PCDHA4: variants seen among roughly 807,000 people sequenced by gnomAD.
PCDHA4 encodes protocadherin alpha-4.
Under a neutral mutation model 61.4 loss-of-function variants are expected in PCDHA4, and 49 were observed. The ratio of observed to expected loss-of-function variants is 0.80; its 90% CI spans 0.63 to 1.01. PCDHA4 has a LOEUF of 1.01. Ranked by LOEUF, PCDHA4 falls within the 50% of genes least tolerant of loss-of-function variation. The probability of loss-of-function intolerance (pLI) is 0.00; values close to 1 mark genes in which losing one functional copy is unlikely to be tolerated. For missense variants in PCDHA4, 1,254 were observed against 1,235.8 expected, an observed-to-expected ratio of 1.01 and a Z score of -0.22; for synonymous variants, 590 against 550.3, an observed-to-expected ratio of 1.07 and a Z score of -1.01.
rs782310474 is a variant in PCDHA4 at position 140,858,120 on chromosome 5, T to C, written c.2385+48548T>C. 9 of 1,597,738 alleles carry C rather than the reference T, an allele frequency of 5.6e-6. 1 individual carries two copies. In the Admixed American group the frequency reaches 1.5e-4, roughly 27 times the overall value. ...GTGGGCGTGGCGCCCGAGGTGGCCC[T>C]GGTGGATGTCAACGTGTACCTGATC... On this transcript the variant is annotated intron_variant, in intron 1 of 3. Coordinates refer to ENST00000530339, the MANE Select transcript of PCDHA4 (RefSeq NM_018907.4).
intron 1 of PCDHA4, chr5:140,813,106 A>G (rs1554126121): frequency 1.3e-5 from 2 of 152,152 alleles, no homozygotes; most frequent in African/African-American, 4.8e-5. Context: ...AGAAGACTGT[A>G]TATTTGCTGC....
chr5:140,988,363 C>T (rs782342714), intron 3 of PCDHA4, among the ~76,000 whole-genome samples: 25 of 152,132 alleles, frequency 1.6e-4, no homozygotes, highest in Admixed American at 4.6e-4. Context: ...CTTTTACTTT[C>T]TGGGGTTGTG....
intron 1 of PCDHA4, chr5:140,862,516 G>T: frequency 2.4e-6 from 1 of 409,748 alleles, no homozygotes; most frequent in South Asian, 1.9e-5. Flanking sequence ...CGCTTTCATT[G>T]TTGGCCACAG....
chr5:140,808,158 A>G lies in PCDHA4; in HGVS notation c.971A>G (p.Asp324Gly). 6.2e-7 allele frequency: 1 copy of G among 1,614,220 alleles called. No individual in the cohort carries two copies. Among genetic ancestry groups the G allele is most frequent in the Non-Finnish European group, 8.5e-7 (1 of 1,180,032 alleles). Reference sequence around the variant, plus strand: ...TATGAAATTATTGTAGAGGGCATTGATAAGGGACAGCTCCCACTTTCTGGC... The same window carrying G: ...TATGAAATTATTGTAGAGGGCATTGGTAAGGGACAGCTCCCACTTTCTGGC... The part of the protein sequence containing the change: ...KSYEIIVEGI[D>G]KGQLPLSGHC... Residue 324 changes from aspartate (D) to glycine (G), a missense_variant, in exon 1 of 4, where the codon GAT (aspartate) becomes GGT (glycine). Asp to Gly is a moderately conservative substitution (Grantham distance 94). Transcript: ENST00000530339.
At chr5:140,991,505 G>T (rs2097456335) in intron 3 of PCDHA4, among the ~76,000 whole-genome samples, 1 of 152,180 alleles carries the variant, frequency 6.6e-6, no homozygotes, top group Admixed American at 6.5e-5. Context: ...AGTTTCACTG[G>T]CTAAAATCAA....
In PCDHA4 at chr5:140,870,873, G is replaced by A. The variant is rs782065354; in HGVS notation, c.2385+61301G>A. 5 of 1,613,840 alleles carry A rather than the reference G, an allele frequency of 3.1e-6. No individual in the cohort carries two copies. The Admixed American group carries it at 5.0e-5, about 16-fold the overall frequency. On this transcript the variant is annotated intron_variant, in intron 1 of 3. Transcript: ENST00000530339. ...GGTCGGTGGGTGCGGGCCACGTGGTGGCGAAGGTGCGCGCAGTGGATGCGG... is the reference window on the plus strand; with the variant it reads ...GGTCGGTGGGTGCGGGCCACGTGGTAGCGAAGGTGCGCGCAGTGGATGCGG...
chr5:140,870,514 T>C lies in PCDHA4; in HGVS notation c.2385+60942T>C, dbSNP rs1554164347. ...CGTGAAGGAGAACAACCCACCAGGC[T>C]GCCACATCTTCACAGTGTCGGCGCG... On this transcript the variant is annotated intron_variant, in intron 1 of 3. Transcript: ENST00000530339. The C allele has an allele frequency of 3.7e-6, 6 of 1,614,224 alleles. No homozygotes were observed. In the East Asian group the frequency reaches 1.3e-4, roughly 36 times the overall value.
chr5:140,911,515 T>C (rs2075517327), intron 1 of PCDHA4, among the ~76,000 whole-genome samples: 1 of 152,226 alleles, frequency 6.6e-6, no homozygotes, highest in African/African-American at 2.4e-5. Flanking sequence ...CAGTATCTGC[T>C]TCTGAAGCTA....
At chr5:140,830,362 G>T (rs1771019100) in intron 1 of PCDHA4, 1 of 1,614,120 alleles carries the variant, frequency 6.2e-7, no homozygotes, top group Non-Finnish European at 8.5e-7. Flanking sequence ...GGCGGCAGAG[G>T]GTGTGCTCCG....
At chr5:140,840,253 T>C (rs1554137747) in intron 1 of PCDHA4, among the ~76,000 whole-genome samples, 1 of 151,988 alleles carries the variant, frequency 6.6e-6, no homozygotes, top group Non-Finnish European at 1.5e-5. Context: ...GCTATAAAAA[T>C]TGTGATTTTT....
At position 140,870,724 on chromosome 5, in the gene PCDHA4, G is replaced by T. The variant is rs140203389; in HGVS notation, c.2385+61152G>T. 8.1e-4 allele frequency: 1,312 copies of T among 1,613,160 alleles called. 10 individuals carry two copies. In the African/African-American group the frequency reaches 0.014, roughly 18 times the overall value. On this transcript the variant is annotated intron_variant, in intron 1 of 3. Coordinates refer to ENST00000530339, the MANE Select transcript of PCDHA4 (RefSeq NM_018907.4). ...CCAGGTGAGCGCGCGCGATGCGGGC[G>T]TGCCGCCTCTGAGCAGCAACGTGAC...
At chr5:140,829,334 C>T (rs1554131892) in intron 1 of PCDHA4, 1 of 1,614,112 alleles carries the variant, frequency 6.2e-7, no homozygotes, top group South Asian at 1.1e-5. Flanking sequence ...TGCCCTGGAC[C>T]GCGAGAGCGT....
intron 1 of PCDHA4, chr5:140,850,791 A>G: frequency 1.3e-6 from 2 of 1,598,378 alleles, no homozygotes; most frequent in African/African-American, 2.7e-5. Context: ...GGGTAAGCAG[A>G]AGACCGACCT....
rs780758944 is a variant in PCDHA4 at position 140,904,284 on chromosome 5, T to G, written c.2386-74665T>G. Among the ~76,000 whole-genome samples the G allele has an allele frequency of 1.3e-3, 196 of 152,216 alleles. 3 individuals carry two copies. The highest frequency in any genetic ancestry group is 1.2e-3 in the Non-Finnish European group (83 of 68,010). ...CACTTATGAATGAGAACATGTGGTG[T>G]TTGGTTTTCCATTCCTGAGTTTCTT... On this transcript the variant is annotated intron_variant, in intron 1 of 3. Transcript: ENST00000530339.
chr5:140,811,491 T>A (rs940302653), intron 1 of PCDHA4: 17 of 152,198 alleles, frequency 1.1e-4, no homozygotes, highest in African/African-American at 4.1e-4. Flanking sequence ...GTCTTTATAG[T>A]AGCATGATTT....
Position 140,876,296 on chromosome 5 carries a change from G to C in PCDHA4, c.2385+66724G>C, listed in dbSNP as rs1337465467. On this transcript the variant is annotated intron_variant, in intron 1 of 3. Coordinates refer to ENST00000530339, the MANE Select transcript of PCDHA4 (RefSeq NM_018907.4). ...TCCGATCCAGACGAAGGACTTAATGGAGAAATTTCCTATGGGATCAAAATG... is the reference window on the plus strand; with the variant it reads ...TCCGATCCAGACGAAGGACTTAATGCAGAAATTTCCTATGGGATCAAAATG... 19 of 1,613,952 alleles carry C rather than the reference G, an allele frequency of 1.2e-5. No individual in the cohort carries two copies. Among genetic ancestry groups the C allele is most frequent in the Non-Finnish European group, 1.6e-5 (19 of 1,179,904 alleles).
chr5:140,842,950 G>C, intron 1 of PCDHA4: 1 of 1,594,728 alleles, frequency 6.3e-7, no homozygotes, highest in South Asian at 1.1e-5. Context: ...CGGGCGTGCC[G>C]CCTCTGGGCA....
At chr5:140,858,063 G>T in intron 1 of PCDHA4, 1 of 1,597,700 alleles carries the variant, frequency 6.3e-7, no homozygotes, top group Non-Finnish European at 8.6e-7. Flanking sequence ...GTGGAGGGCA[G>T]CCAGGCACCC....
rs2150395241 is a variant in PCDHA4, at chr5:140,846,875, G to A, written c.2385+37303G>A. Among the ~76,000 whole-genome samples the A allele has an allele frequency of 4.0e-5, 6 of 149,568 alleles. 1 individual carries two copies. Among genetic ancestry groups the A allele is most frequent in the Non-Finnish European group, 7.5e-5 (5 of 66,912 alleles). On this transcript the variant is annotated intron_variant, in intron 1 of 3. Transcript: ENST00000530339. ...CAAGATAATGTAACAGGTACAAGAG[G>A]TAAATCAGAATGACGTTGAAGTTGA... is the stretch of plus-strand genomic sequence containing the variant.
Sources: allele counts gnomAD v4.1 joint callset (sites outside exome capture counted in the v4.1 genomes callset), GRCh38; gene constraint gnomAD v4.1.1; transcripts MANE v1.5; gene names NCBI Gene and HGNC (gene_info 2026-07-23, HGNC 2026-07-21).